TENM3: variants seen among roughly 807,000 people sequenced by gnomAD.
The protein encoded by TENM3 is teneurin transmembrane protein 3, also known as teneurin-3.
Under a neutral mutation model 255.1 loss-of-function variants are expected in TENM3, and 63 were observed. The observed-to-expected ratio is 0.25, with a 90% confidence interval of 0.20 to 0.30. The LOEUF (loss-of-function observed/expected upper bound fraction) is 0.30, where lower values mean the gene tolerates loss of function less well. TENM3 is among the 10% of genes least tolerant of loss of function. TENM3 has a pLI of 1.00. For synonymous variants in TENM3, 1,306 were observed against 1,322.3 expected, an observed-to-expected ratio of 0.99 and a Z score of 0.27; for missense variants, 2,929 against 3,461.1, an observed-to-expected ratio of 0.85 and a Z score of 3.86.
chr4:182,511,669 T>G (rs1286156563), intron 3 of TENM3, among the ~76,000 whole-genome samples: 1 of 152,196 alleles, frequency 6.6e-6, no homozygotes, highest in Non-Finnish European at 1.5e-5. Context: ...TCATTCTCAC[T>G]GGAATTTTGA....
chr4:182,506,645 A>G (rs1471167818), intron 3 of TENM3, among the ~76,000 whole-genome samples: 2 of 152,234 alleles, frequency 1.3e-5, no homozygotes, highest in East Asian at 3.8e-4. Flanking sequence ...GGGATGTAAC[A>G]TAAGTACATG....
At chr4:182,563,777 A>AG (rs1461543890) in intron 3 of TENM3, among the ~76,000 whole-genome samples, 2 of 152,228 alleles carry the variant, frequency 1.3e-5, no homozygotes, top group African/African-American at 2.4e-5. Context: ...GGAATACACT[A>AG]GGAAAAAAGC....
chr4:182,355,734 C>A (rs539516525), intron 3 of TENM3, among the ~76,000 whole-genome samples: 1 of 152,104 alleles, frequency 6.6e-6, no homozygotes, highest in South Asian at 2.1e-4. Flanking sequence ...GGAAGAGAAA[C>A]ATTTAAAGAG....
At chr4:182,418,371 C>A (rs375106076) in intron 3 of TENM3, among the ~76,000 whole-genome samples, 5 of 152,008 alleles carry the variant, frequency 3.3e-5, no homozygotes, top group Admixed American at 3.3e-4. Context: ...CCACGGAATT[C>A]GTAATGTCCT....
the TENM3 span, among the ~76,000 whole-genome samples, chr4:181,729,434 GC>G: frequency 1.3e-5 from 2 of 152,054 alleles, no homozygotes; most frequent in Non-Finnish European, 2.9e-5. Flanking sequence ...TGTAGCAGAA[GC>G]CCGGGTCACA....
At chr4:181,448,715 G>A in the TENM3 span, among the ~76,000 whole-genome samples, 1 of 152,292 alleles carries the variant, frequency 6.6e-6, no homozygotes, top group South Asian at 2.1e-4. Context: ...TCAGAAGATA[G>A]GATATGTAGA....
Position 182,480,838 on chromosome 4 carries a change from T to C in TENM3, c.512-120086T>C, listed in dbSNP as rs555627587. Among the ~76,000 whole-genome samples the C allele has an allele frequency of 2.6e-5, 4 of 152,300 alleles. No homozygotes were observed. In the South Asian group the frequency reaches 8.3e-4, roughly 32 times the overall value. On this transcript the variant is annotated intron_variant, in intron 3 of 27. Coordinates refer to ENST00000511685, the MANE Select transcript of TENM3 (RefSeq NM_001080477.4). ...GTCAATGACTAAAATATGGTTTTAT[T>C]ATGTCAAATCTGAACTGACATATTT...
the TENM3 span, among the ~76,000 whole-genome samples, chr4:181,872,735 G>T: frequency 6.6e-6 from 1 of 151,680 alleles, no homozygotes; most frequent in Non-Finnish European, 1.5e-5. Context: ...TATTAGCCTT[G>T]GTACCAGCAT....
chr4:182,797,434 C>T lies in TENM3; in HGVS notation c.7344+667C>T, dbSNP rs533515553. Among the ~76,000 whole-genome samples the T allele has an allele frequency of 3.0e-3, 407 of 133,688 alleles. 1 individual carries two copies. Among genetic ancestry groups the T allele is most frequent in the African/African-American group, 0.013 (374 of 28,892 alleles). 87.7% of individuals were successfully genotyped at this position (133,688 alleles called of 152,430 possible). A position where few individuals can be genotyped will look rare whatever the true frequency, so the allele number is the denominator to read the frequency against. ...AGCCTGAGCAACAAGAGCGAAACTC[C>T]GTCTCAAAAAAAAAATAATTAATTA... On this transcript the variant is annotated intron_variant, in intron 27 of 27. Coordinates refer to ENST00000511685, the MANE Select transcript of TENM3 (RefSeq NM_001080477.4).
intron 13 of TENM3, among the ~76,000 whole-genome samples, chr4:182,723,023 G>A (rs964577424): frequency 2.0e-5 from 3 of 152,200 alleles, no homozygotes; most frequent in African/African-American, 7.2e-5. Context: ...AGCGTATTTG[G>A]AGGAGAAGAT....
the TENM3 span, among the ~76,000 whole-genome samples, chr4:181,984,295 T>C: frequency 6.6e-6 from 1 of 152,218 alleles, no homozygotes; most frequent in Non-Finnish European, 1.5e-5. Flanking sequence ...TGCACCAAAA[T>C]TATTGGAGCA....
the TENM3 span, among the ~76,000 whole-genome samples, chr4:181,955,197 C>A: frequency 6.6e-6 from 1 of 152,104 alleles, no homozygotes; most frequent in Non-Finnish European, 1.5e-5. Flanking sequence ...AATAATTATA[C>A]AATTTGGAGG....
At chr4:182,368,409 A>T (rs1438491820) in intron 3 of TENM3, among the ~76,000 whole-genome samples, 1 of 152,182 alleles carries the variant, frequency 6.6e-6, no homozygotes, top group Admixed American at 6.5e-5. Context: ...GGGCCCTTTT[A>T]TCCTGTAAAG....
At chr4:182,779,435 C>T (rs1186306484) in intron 24 of TENM3, among the ~76,000 whole-genome samples, 2 of 152,164 alleles carry the variant, frequency 1.3e-5, no homozygotes, top group Non-Finnish European at 2.9e-5. Context: ...ATATGTGCCA[C>T]ATTTTCTTAA....
chr4:182,507,367 C>T (rs76077410), intron 3 of TENM3, among the ~76,000 whole-genome samples: 2 of 152,240 alleles, frequency 1.3e-5, no homozygotes, highest in Non-Finnish European at 2.9e-5. Flanking sequence ...TACATCTGCC[C>T]TTATGCCATT....
At chr4:181,640,813 C>T in the TENM3 span, among the ~76,000 whole-genome samples, 1 of 152,186 alleles carries the variant, frequency 6.6e-6, no homozygotes, top group Non-Finnish European at 1.5e-5. Flanking sequence ...AGTCCTCTAC[C>T]AAAAGCCTGA....
At chr4:182,454,295 G>A (rs1408376327) in intron 3 of TENM3, among the ~76,000 whole-genome samples, 7 of 151,818 alleles carry the variant, frequency 4.6e-5, no homozygotes, top group South Asian at 4.2e-4. Context: ...ATTGTAGATC[G>A]TCAGAATGAA....
chr4:182,188,514 A>G (rs1333692605), intron 1 of TENM3, among the ~76,000 whole-genome samples: 1 of 152,172 alleles, frequency 6.6e-6, no homozygotes. Flanking sequence ...GACTAGGTTG[A>G]AGTTGATATT....
chr4:182,403,828 C>T (rs1244798533), intron 3 of TENM3, among the ~76,000 whole-genome samples: 1 of 152,120 alleles, frequency 6.6e-6, no homozygotes, highest in Non-Finnish European at 1.5e-5. Flanking sequence ...CTCAGATCCT[C>T]CAGCCTCAGC....
Sources: allele counts gnomAD v4.1 joint callset (sites outside exome capture counted in the v4.1 genomes callset), GRCh38; gene constraint gnomAD v4.1.1; transcripts MANE v1.5; gene names NCBI Gene and HGNC (gene_info 2026-07-23, HGNC 2026-07-21).